The following DISC1 variants were observed in gnomAD, a reference collection of about 807,000 sequenced individuals.
The protein encoded by DISC1 is disrupted in schizophrenia 1 protein.
DISC1 carries 57 observed loss-of-function variants against 84.5 expected under a neutral mutation model. That is an observed-to-expected ratio of 0.67 (90% CI 0.55 to 0.84). The LOEUF (loss-of-function observed/expected upper bound fraction) is 0.84, where lower values mean the gene tolerates loss of function less well. Among genes scored for constraint, DISC1 ranks in the 40% least tolerant of loss-of-function variants. DISC1 has a pLI of 0.00. For missense variants in DISC1, 1,000 were observed against 1,057.8 expected, an observed-to-expected ratio of 0.95 and a Z score of 0.76; for synonymous variants, 411 against 415.2, an observed-to-expected ratio of 0.99 and a Z score of 0.12.
intron 6 of DISC1, chr1:231,771,580 T>C (rs755416784): frequency 4.1e-6 from 4 of 985,450 alleles, no homozygotes; most frequent in Non-Finnish European, 4.8e-6. Flanking sequence ...GCTGACTCTA[T>C]GAGTTACTTC....
Position 231,874,843 on chromosome 1 carries a change from G to A in DISC1, c.1981+56326G>A, listed in dbSNP as rs1025267084. Among the ~76,000 whole-genome samples the A allele has an allele frequency of 7.3e-5, 11 of 151,200 alleles. No individual in the cohort carries two copies. The South Asian group carries it at 1.3e-3, about 17-fold the overall frequency. ...GGAGAATGGCGTGAACTGGAGAGGCGGAGCTTGCAGTGAGCCGAGATCGCG... is the reference window on the plus strand; with the variant it reads ...GGAGAATGGCGTGAACTGGAGAGGCAGAGCTTGCAGTGAGCCGAGATCGCG... On this transcript the variant is annotated intron_variant, in intron 9 of 12. Transcript: ENST00000439617.
intron 9 of DISC1, among the ~76,000 whole-genome samples, chr1:231,923,264 G>A (rs1021142502): frequency 2.0e-5 from 3 of 146,634 alleles, no homozygotes; most frequent in African/African-American, 7.6e-5. Flanking sequence ...TCCAGCCTAC[G>A]CAACAGAGCA....
At chr1:231,987,098 G>A (rs1474707913) in intron 10 of DISC1, among the ~76,000 whole-genome samples, 1 of 152,192 alleles carries the variant, frequency 6.6e-6, no homozygotes, top group Non-Finnish European at 1.5e-5. Context: ...CTGAGAAGTC[G>A]GTTGTGCCCT....
chr1:231,686,093 C>T (rs1303134663), intron 1 of DISC1, among the ~76,000 whole-genome samples: 1 of 152,182 alleles, frequency 6.6e-6, no homozygotes, highest in Non-Finnish European at 1.5e-5. Context: ...GTACAGCCTC[C>T]CTCCCAGCTG....
chr1:231,816,491 T>A (rs1452566969), intron 8 of DISC1, among the ~76,000 whole-genome samples: 4 of 152,238 alleles, frequency 2.6e-5, no homozygotes. Flanking sequence ...TCTTGCCTAC[T>A]CCAAAGTCAA....
intron 2 of DISC1, among the ~76,000 whole-genome samples, chr1:231,700,433 T>G (rs989558526): frequency 6.6e-6 from 1 of 152,256 alleles, no homozygotes; most frequent in Non-Finnish European, 1.5e-5. Flanking sequence ...ACATTTTCTT[T>G]TTTCCACTTT....
At chr1:231,713,475 A>G (rs920321488) in intron 3 of DISC1, among the ~76,000 whole-genome samples, 2 of 152,028 alleles carry the variant, frequency 1.3e-5, no homozygotes, top group Admixed American at 1.3e-4. Context: ...ATAAAAATTG[A>G]TCAAACAGAA....
intron 1 of DISC1, among the ~76,000 whole-genome samples, chr1:231,664,047 C>CATCCATCCATCCATCCATCT (rs1202804676): frequency 2.0e-5 from 3 of 151,562 alleles, no homozygotes; most frequent in African/African-American, 7.3e-5. Context: ...TCTATCCATC[C>CATCCATCCATCCATCCATCT]ATCCATCCAT....
intron 10 of DISC1, among the ~76,000 whole-genome samples, chr1:231,974,010 T>C (rs1007008252): frequency 2.0e-5 from 3 of 152,166 alleles, no homozygotes; most frequent in African/African-American, 4.8e-5. Context: ...GGGGATTTTT[T>C]TTTTTCTTAA....
chr1:231,833,944 T>G (rs923341202), intron 9 of DISC1, among the ~76,000 whole-genome samples: 1 of 152,186 alleles, frequency 6.6e-6, no homozygotes, highest in Non-Finnish European at 1.5e-5. Flanking sequence ...TAATAAAATG[T>G]ATTTTGAGAA....
chr1:231,974,373 C>A (rs1047222521), intron 10 of DISC1, among the ~76,000 whole-genome samples: 1 of 152,106 alleles, frequency 6.6e-6, no homozygotes, highest in African/African-American at 2.4e-5. Flanking sequence ...TTAATCGGAC[C>A]ATTTTACTGG....
chr1:231,843,427 A>C (rs2083225507), intron 9 of DISC1, among the ~76,000 whole-genome samples: 1 of 152,100 alleles, frequency 6.6e-6, no homozygotes, highest in Non-Finnish European at 1.5e-5. Context: ...AGATTTAAGC[A>C]GGGAGTGATC....
intron 4 of DISC1, among the ~76,000 whole-genome samples, chr1:231,759,540 A>C (rs992288191): frequency 4.0e-5 from 6 of 149,618 alleles, no homozygotes; most frequent in African/African-American, 1.2e-4. Context: ...AAAAAAAAAA[A>C]AAAAAAAAAA....
chr1:231,866,884 C>T (rs1415918488), intron 9 of DISC1, among the ~76,000 whole-genome samples: 3 of 152,222 alleles, frequency 2.0e-5, no homozygotes, highest in Admixed American at 2.0e-4. Flanking sequence ...TTACCGTCTG[C>T]TCATCCTCTG....
At chr1:231,669,824 AG>A (rs2062410438) in intron 1 of DISC1, among the ~76,000 whole-genome samples, 1 of 152,176 alleles carries the variant, frequency 6.6e-6, no homozygotes, top group African/African-American at 2.4e-5. Context: ...GATTCCTCAA[AG>A]ACCTAAAGAC....
chr1:231,670,619 C>G (rs1452654168), intron 1 of DISC1: 1 of 152,202 alleles, frequency 6.6e-6, no homozygotes, highest in African/African-American at 2.4e-5. Context: ...ATAACATTGA[C>G]ATTCTGTTCA....
intron 6 of DISC1, among the ~76,000 whole-genome samples, chr1:231,793,716 A>C (rs1018438734): frequency 1.3e-5 from 2 of 152,238 alleles, no homozygotes; most frequent in East Asian, 3.8e-4. Flanking sequence ...CTCTTGCTAG[A>C]AAACGGAATG....
At chr1:231,881,730 C>T (rs1352389866) in intron 9 of DISC1, among the ~76,000 whole-genome samples, 1 of 151,612 alleles carries the variant, frequency 6.6e-6, no homozygotes, top group East Asian at 2.0e-4. Context: ...TTTCGTGTCT[C>T]ATTCTGGAAA....
chr1:231,726,557 G>A (rs1428584855), intron 3 of DISC1, among the ~76,000 whole-genome samples: 2 of 152,132 alleles, frequency 1.3e-5, no homozygotes, highest in African/African-American at 4.8e-5. Context: ...GGGCAACAGG[G>A]AAAGCCCCTC....
Sources: allele counts gnomAD v4.1 joint callset (sites outside exome capture counted in the v4.1 genomes callset), GRCh38; gene constraint gnomAD v4.1.1; transcripts MANE v1.5; gene names NCBI Gene and HGNC (gene_info 2026-07-23, HGNC 2026-07-21).